The following STAG1 variants were observed in gnomAD, a reference collection of about 807,000 sequenced individuals.
STAG1 encodes the protein STAG1 cohesin complex component, also known as cohesin subunit SA-1.
In STAG1, 26 loss-of-function variants were observed where a neutral mutation model predicts 170.9. The ratio of observed to expected loss-of-function variants is 0.15; its 90% confidence interval spans 0.11 to 0.21. STAG1 has a LOEUF of 0.21. Ranked by LOEUF, STAG1 falls within the 10% of genes least tolerant of loss-of-function variation. The pLI is 1.00. For synonymous variants in STAG1, 514 were observed against 497.7 expected, an observed-to-expected ratio of 1.03 and a Z score of -0.44; for missense variants, 964 against 1,509.5, an observed-to-expected ratio of 0.64 and a Z score of 5.99.
At chr3:136,460,538 G>A (rs1160837553) in intron 13 of STAG1, among the ~76,000 whole-genome samples, 7 of 152,102 alleles carry the variant, frequency 4.6e-5, no homozygotes, top group Admixed American at 2.6e-4. Context: ...GGAGGTGGAG[G>A]TTGCAGTAAG....
At chr3:136,442,360 T>C (rs538048795) in intron 15 of STAG1, among the ~76,000 whole-genome samples, 4 of 152,334 alleles carry the variant, frequency 2.6e-5, no homozygotes, top group African/African-American at 9.6e-5. Context: ...AACGTAACCA[T>C]ACACAGGAAA....
intron 9 of STAG1, among the ~76,000 whole-genome samples, chr3:136,496,618 A>G (rs772467510): frequency 2.2e-4 from 33 of 152,208 alleles, no homozygotes; most frequent in Non-Finnish European, 2.9e-5. Context: ...AAAATGCAAT[A>G]TATCCAAATT....
Position 136,464,956 on chromosome 3 carries a change from C to G in STAG1, c.1238G>C (p.Cys413Ser). ...GSEEALSNEDCENVYHLVYSA... is the reference protein window; with the variant it reads ...GSEEALSNEDSENVYHLVYSA... ...GTACACCAAGTGGTAAACATTTTCA[C>G]AGTCTTCATTGGAAAGAGCTTCTTC... The change falls in exon 13 of 34, where the codon TGT becomes TCT. Residue 413 changes from cysteine (C) to serine (S), a missense_variant. Around this residue, in one of 11 missense-constraint regions of STAG1, gnomAD observed 162 missense variants for 211.2 expected, o/e 0.77. Transcript: ENST00000383202. The G allele has an allele frequency of 6.2e-7, 1 of 1,611,552 alleles. No homozygotes were observed. Among genetic ancestry groups the G allele is most frequent in the Non-Finnish European group, 8.5e-7 (1 of 1,178,842 alleles).
chr3:136,718,764 C>T (rs1363232396), intron 1 of STAG1, among the ~76,000 whole-genome samples: 1 of 151,840 alleles, frequency 6.6e-6, no homozygotes, highest in Non-Finnish European at 1.5e-5. Flanking sequence ...ATTTCTACTA[C>T]GAATACAAAA....
At chr3:136,435,151 C>T (rs1428451901) in intron 15 of STAG1, among the ~76,000 whole-genome samples, 1 of 152,120 alleles carries the variant, frequency 6.6e-6, no homozygotes, top group African/African-American at 2.4e-5. Context: ...GCAAGTTTCC[C>T]TTATCTAGCC....
intron 13 of STAG1, among the ~76,000 whole-genome samples, chr3:136,460,119 T>C (rs2089232496): frequency 6.6e-6 from 1 of 152,028 alleles, no homozygotes; most frequent in South Asian, 2.1e-4. Context: ...GACAAACCTT[T>C]AGCTGAACTA....
At chr3:136,428,262 C>T (rs1453200869) in intron 16 of STAG1, among the ~76,000 whole-genome samples, 1 of 152,270 alleles carries the variant, frequency 6.6e-6, no homozygotes, top group Middle Eastern at 3.4e-3. Flanking sequence ...AAAAGATAAA[C>T]ATCAGCTGCC....
intron 22 of STAG1, among the ~76,000 whole-genome samples, chr3:136,398,246 T>C (rs1345246285): frequency 2.0e-5 from 3 of 152,160 alleles, no homozygotes; most frequent in Non-Finnish European, 2.9e-5. Context: ...GCCTCCCAAG[T>C]AGCTGGGACT....
chr3:136,598,423 T>G (rs201187157), intron 4 of STAG1, among the ~76,000 whole-genome samples: 7 of 138,790 alleles, frequency 5.0e-5, no homozygotes, highest in African/African-American at 1.8e-4. Context: ...TAATACAACC[T>G]TTTTTTTTTT....
intron 15 of STAG1, among the ~76,000 whole-genome samples, chr3:136,439,427 C>CACACACAA (rs2107756436): frequency 6.9e-6 from 1 of 144,598 alleles, no homozygotes; most frequent in African/African-American, 2.6e-5. Context: ...CACACACACA[C>CACACACAA]ACACACACAC....
rs748718488 is a variant in STAG1 at position 136,421,186 on chromosome 3, A to G, written c.2038-23T>C. ...TCCCTATAAAAAAAGGAAACATCAC[A>G]TCATTACAACTTTACTCACCTTATA... On this transcript the variant is annotated intron_variant, in intron 19 of 33. Transcript: ENST00000383202. The G allele has an allele frequency of 9.0e-6, 14 of 1,548,850 alleles. No individual in the cohort carries two copies. In the East Asian group the frequency reaches 2.5e-4, roughly 28 times the overall value.
chr3:136,666,955 GC>G (rs1233739758), intron 1 of STAG1, among the ~76,000 whole-genome samples: 2 of 152,042 alleles, frequency 1.3e-5, no homozygotes, highest in African/African-American at 4.8e-5. Context: ...ACTGAACCTG[GC>G]AAAGCTGAGA....
rs769847720 is a variant in STAG1, at chr3:136,521,428, G to A, written c.472-11C>T. The A allele has an allele frequency of 2.7e-5, 43 of 1,610,382 alleles. No homozygotes were observed. The South Asian group carries it at 4.5e-4, about 17-fold the overall frequency. ...ATAATCACCACTGTCCTAAAAAACA[G>A]AAAAAGAACATATTAAGTATGTCAC... On this transcript the variant is annotated splice_polypyrimidine_tract_variant and intron_variant, in intron 6 of 33. Transcript: ENST00000383202.
chr3:136,344,594 AC>A (rs936352223), intron 29 of STAG1, among the ~76,000 whole-genome samples: 1 of 150,302 alleles, frequency 6.7e-6, no homozygotes, highest in Non-Finnish European at 1.5e-5. Context: ...CCCCTACCCA[AC>A]CCCCCACTTA....
intron 1 of STAG1, among the ~76,000 whole-genome samples, chr3:136,750,552 G>A (rs1359876339): frequency 6.6e-6 from 1 of 152,138 alleles, no homozygotes; most frequent in Non-Finnish European, 1.5e-5. Flanking sequence ...ATATTCCTTA[G>A]CCTTATCAGA....
intron 1 of STAG1, among the ~76,000 whole-genome samples, chr3:136,684,522 G>A (rs544318652): frequency 6.6e-6 from 1 of 152,304 alleles, no homozygotes; most frequent in South Asian, 2.1e-4. Flanking sequence ...GGCTGAGGCA[G>A]GTGGATCACT....
intron 20 of STAG1, among the ~76,000 whole-genome samples, chr3:136,418,434 A>G (rs1324621973): frequency 6.7e-6 from 1 of 149,468 alleles, no homozygotes; most frequent in Non-Finnish European, 1.5e-5. Flanking sequence ...ATTGAAAAAG[A>G]TCCATAAAGG....
intron 1 of STAG1, among the ~76,000 whole-genome samples, chr3:136,653,951 G>C (rs1042504882): frequency 4.6e-5 from 7 of 152,006 alleles, no homozygotes; most frequent in Non-Finnish European, 7.4e-5. Flanking sequence ...TGCATAACAA[G>C]AACACTAAGC....
At chr3:136,644,270 AG>A (rs1940912522) in intron 1 of STAG1, among the ~76,000 whole-genome samples, 1 of 152,228 alleles carries the variant, frequency 6.6e-6, no homozygotes, top group Admixed American at 6.5e-5. Context: ...CCCCAACAGA[AG>A]GTTTTTCAGA....
Sources: gnomAD v4.1 joint callset for allele counts (sites outside exome capture counted in the v4.1 genomes callset) on GRCh38, gnomAD v4.1.1 for gene constraint, gnomAD v4.1.1 regional missense constraint, MANE v1.5 for transcripts, NCBI Gene and HGNC (gene_info 2026-07-23, HGNC 2026-07-21) for gene names.